SCHIP1: variants seen among roughly 807,000 people sequenced by gnomAD.
The protein encoded by SCHIP1 is schwannomin-interacting protein 1.
A neutral mutation model predicts 29.7 loss-of-function variants in SCHIP1; 8 were observed. That is an observed-to-expected ratio of 0.27 (90% CI 0.16 to 0.49). The LOEUF (loss-of-function observed/expected upper bound fraction) is 0.49, where lower values mean the gene tolerates loss of function less well. SCHIP1 is among the 20% of genes least tolerant of loss of function. SCHIP1 has a pLI of 0.99. For missense variants in SCHIP1, 193 were observed against 294.6 expected, an observed-to-expected ratio of 0.66 and a Z score of 2.52; for synonymous variants, 76 against 94.9, an observed-to-expected ratio of 0.80 and a Z score of 1.16.
chr3:159,801,321 A>T, the SCHIP1 span, among the ~76,000 whole-genome samples: 2 of 152,210 alleles, frequency 1.3e-5, no homozygotes, highest in African/African-American at 4.8e-5. Context: ...TCAATTTACA[A>T]ACCTGTGTTC....
At chr3:159,761,530 T>C in the SCHIP1 span, among the ~76,000 whole-genome samples, 32 of 152,310 alleles carry the variant, frequency 2.1e-4, no homozygotes, top group African/African-American at 7.7e-4. Flanking sequence ...TGGACATATC[T>C]GCAGGCTGTT....
the SCHIP1 span, among the ~76,000 whole-genome samples, chr3:159,397,142 T>C: frequency 6.6e-6 from 1 of 151,874 alleles, no homozygotes; most frequent in East Asian, 1.9e-4. Flanking sequence ...ATTCTTCACG[T>C]AGTTCTCGAG....
the SCHIP1 span, among the ~76,000 whole-genome samples, chr3:159,307,880 T>G: frequency 1.6e-4 from 24 of 152,236 alleles, no homozygotes; most frequent in South Asian, 4.2e-3. Flanking sequence ...ATAAGATGGT[T>G]GTAGGTGTAT....
chr3:159,287,915 G>A, the SCHIP1 span, among the ~76,000 whole-genome samples: 14 of 152,218 alleles, frequency 9.2e-5, 1 homozygote, highest in Non-Finnish European at 1.9e-4. Context: ...TTTCTGTAGG[G>A]TTCAAAACAG....
the SCHIP1 span, among the ~76,000 whole-genome samples, chr3:159,352,312 A>G: frequency 1.3e-5 from 2 of 152,206 alleles, no homozygotes; most frequent in Non-Finnish European, 2.9e-5. Flanking sequence ...GGCCCTCTGC[A>G]TATGCGATTT....
At chr3:159,338,492 G>C in the SCHIP1 span, among the ~76,000 whole-genome samples, 1 of 152,098 alleles carries the variant, frequency 6.6e-6, no homozygotes, top group Non-Finnish European at 1.5e-5. Flanking sequence ...ATATTGTGTA[G>C]AACCTTATAA....
the SCHIP1 span, among the ~76,000 whole-genome samples, chr3:159,518,559 C>T: frequency 1.3e-5 from 2 of 152,084 alleles, no homozygotes; most frequent in Non-Finnish European, 2.9e-5. Flanking sequence ...TTTTAGAAAG[C>T]TGGCATGGAG....
chr3:159,302,420 G>C, the SCHIP1 span, among the ~76,000 whole-genome samples: 5 of 152,248 alleles, frequency 3.3e-5, no homozygotes, highest in East Asian at 9.7e-4. Context: ...ATTTGGACAA[G>C]ATTTTTTAAA....
chr3:159,821,288 T>G, the SCHIP1 span, among the ~76,000 whole-genome samples: 53 of 152,220 alleles, frequency 3.5e-4, no homozygotes, highest in African/African-American at 1.2e-3. Flanking sequence ...TGGACAAGTC[T>G]TTCAAGGAGT....
the SCHIP1 span, among the ~76,000 whole-genome samples, chr3:159,688,481 T>C: frequency 6.6e-6 from 1 of 152,346 alleles, no homozygotes; most frequent in South Asian, 2.1e-4. Flanking sequence ...AAGTTCCTTG[T>C]AGATTCTGGA....
At chr3:159,566,255 G>C in the SCHIP1 span, among the ~76,000 whole-genome samples, 1 of 152,106 alleles carries the variant, frequency 6.6e-6, no homozygotes, top group Non-Finnish European at 1.5e-5. Context: ...AAATAAGAAT[G>C]TTATTTGTCC....
At chr3:159,336,558 A>T in the SCHIP1 span, among the ~76,000 whole-genome samples, 1 of 152,214 alleles carries the variant, frequency 6.6e-6, no homozygotes, top group Non-Finnish European at 1.5e-5. Context: ...AGCTTTCTAC[A>T]TATGGCTAGC....
At chr3:159,626,152 A>ATC in the SCHIP1 span, among the ~76,000 whole-genome samples, 8 of 121,172 alleles carry the variant, frequency 6.6e-5, 1 homozygote, top group African/African-American at 2.7e-4. Context: ...ATCTAGATAT[A>ATC]TATATATATC....
chr3:159,631,515 C>T, the SCHIP1 span, among the ~76,000 whole-genome samples: 633 of 152,236 alleles, frequency 4.2e-3, 5 homozygotes, highest in African/African-American at 0.014. Context: ...AGTTATGACA[C>T]ACGCTACCCT....
the SCHIP1 span, among the ~76,000 whole-genome samples, chr3:159,568,978 T>C: frequency 6.6e-6 from 1 of 152,284 alleles, no homozygotes; most frequent in African/African-American, 2.4e-5. Context: ...ATTTTATCTC[T>C]TTAACTCTGA....
the SCHIP1 span, among the ~76,000 whole-genome samples, chr3:159,338,416 G>A: frequency 2.0e-5 from 3 of 152,092 alleles, no homozygotes; most frequent in Admixed American, 2.0e-4. Flanking sequence ...AGTGAAGAGC[G>A]GTAAAGTGCC....
chr3:159,584,501 G>A, the SCHIP1 span, among the ~76,000 whole-genome samples: 5,687 of 152,190 alleles, frequency 0.037, 258 homozygotes, highest in East Asian at 0.17. Context: ...TGGTTAAGAA[G>A]TTTAATCAGG....
At chr3:159,657,043 T>C in the SCHIP1 span, among the ~76,000 whole-genome samples, 1 of 152,156 alleles carries the variant, frequency 6.6e-6, no homozygotes, top group African/African-American at 2.4e-5. Flanking sequence ...CAATCTCGAA[T>C]GCACACACCA....
chr3:159,487,729 T>C, the SCHIP1 span, among the ~76,000 whole-genome samples: 1 of 152,162 alleles, frequency 6.6e-6, no homozygotes, highest in Non-Finnish European at 1.5e-5. Context: ...AAGTGTCTAT[T>C]CTTGTTTGCT....
Sources: allele counts gnomAD v4.1 joint callset (sites outside exome capture counted in the v4.1 genomes callset), GRCh38; gene constraint gnomAD v4.1.1; transcripts MANE v1.5; gene names NCBI Gene and HGNC (gene_info 2026-07-23, HGNC 2026-07-21).